MYRF: variants seen among roughly 807,000 people sequenced by gnomAD.
MYRF encodes the protein myelin regulatory factor.
A neutral mutation model predicts 126.3 loss-of-function variants in MYRF; 16 were observed. The ratio of observed to expected loss-of-function variants is 0.13; its 90% CI spans 0.09 to 0.19. The LOEUF is 0.19. Ranked by LOEUF, MYRF falls within the 10% of genes least tolerant of loss-of-function variation. The probability of loss-of-function intolerance (pLI) is 1.00; values close to 1 mark genes in which losing one functional copy is unlikely to be tolerated. For synonymous variants in MYRF, 608 were observed against 635.3 expected, an observed-to-expected ratio of 0.96 and a Z score of 0.65; for missense variants, 1,104 against 1,547.0, an observed-to-expected ratio of 0.71 and a Z score of 4.80.
chr11:61,779,610 G>A (rs1298797374), intron 16 of MYRF, 40 bp downstream of exon 16: 1 of 1,457,780 alleles, frequency 6.9e-7, no homozygotes, highest in East Asian at 2.4e-5. Context: ...TGGAAAGGGG[G>A]CCTCCCTTGT....
chr11:61,779,248 C>T lies in MYRF; in HGVS notation c.2014-15C>T, dbSNP rs2066475577. 3.3e-6 allele frequency: 5 copies of T among 1,537,824 alleles called. No individual in the cohort carries two copies. The African/African-American group carries it at 6.9e-5, about 21-fold the overall frequency. On this transcript the variant is annotated splice_polypyrimidine_tract_variant and intron_variant, in intron 14 of 26. Transcript: ENST00000278836. ...CTGTGTTGGCCCATGGCCCATGGCC[C>T]ATGGCCCATGGCAGGAGCGCATCTT...
In MYRF at chr11:61,776,310, T is replaced by C. The variant is rs1305748279; in HGVS notation, c.1389-12T>C. ...CTCCCTGCCCCCTGAGCACCCTGCCTCTCCTCTGCAGGGTCAATCTGCCCC... is the reference window on the plus strand; with the variant it reads ...CTCCCTGCCCCCTGAGCACCCTGCCCCTCCTCTGCAGGGTCAATCTGCCCC... On this transcript the variant is annotated splice_polypyrimidine_tract_variant and intron_variant, in intron 9 of 26. Coordinates refer to ENST00000278836, the MANE Select transcript of MYRF (RefSeq NM_001127392.3). This position sits in a 1 kb window ranked among gnomAD's most constrained non-coding sequence, Gnocchi z 4.3. The C allele has an allele frequency of 6.2e-7, 1 of 1,606,364 alleles. No individual in the cohort carries two copies. Among genetic ancestry groups the C allele is most frequent in the East Asian group, 2.2e-5 (1 of 44,568 alleles).
At chr11:61,784,180 C>A in intron 24 of MYRF, 100 bp from the exon 25 acceptor site, 1 of 1,172,794 alleles carries the variant, frequency 8.5e-7, no homozygotes, top group Non-Finnish European at 1.2e-6. Context: ...GTGTTTCAGG[C>A]TGGGTGGAGA....
Position 61,777,541 on chromosome 11 carries a change from G to C in MYRF, c.1791+77G>C. 1.3e-6 allele frequency: 2 copies of C among 1,491,718 alleles called. No individual in the cohort carries two copies. Among genetic ancestry groups the C allele is most frequent in the Admixed American group, 2.0e-5 (1 of 49,316 alleles). The allele number at this position is 1,491,718 out of a possible 1,614,324, so 92.4% of individuals were successfully genotyped here. On this transcript the variant is annotated intron_variant, in intron 12 of 26. Coordinates refer to ENST00000278836, the MANE Select transcript of MYRF (RefSeq NM_001127392.3). The surrounding 1 kb of genome is among the most constrained non-coding windows in gnomAD (Gnocchi z 8.8). ...CGGGGGCGGGGCTCCTGGGGAGGGG[G>C]CGTGACTACGCGGAAAGGCGGAGCT...
chr11:61,773,930 TG>T, intron 7 of MYRF, 36 bp from the exon 8 acceptor site: 2 of 1,557,310 alleles, frequency 1.3e-6, no homozygotes, highest in Non-Finnish European at 8.7e-7. Flanking sequence ...GGCCCGGCTC[TG>T]GGGCCTCAGG....
At position 61,757,645 on chromosome 11, in the gene MYRF, C is replaced by G; in HGVS notation, c.46+4855C>G. 1 of 432,572 alleles carries G rather than the reference C, an allele frequency of 2.3e-6. No individual in the cohort carries two copies. The allele number at this position is 432,572 out of a possible 1,614,324, so 26.8% of individuals were successfully genotyped here. On this transcript the variant is annotated intron_variant, in intron 1 of 26. Transcript: ENST00000278836. This position sits in a 1 kb window ranked among gnomAD's most constrained non-coding sequence, Gnocchi z 4.7. ...CTGGCACATCCAGTGGGGCCCGCCCCACCTCCCCCTCTGAGATTTGGGTTC... is the reference window on the plus strand; with the variant it reads ...CTGGCACATCCAGTGGGGCCCGCCCGACCTCCCCCTCTGAGATTTGGGTTC...
Position 61,757,398 on chromosome 11 carries a change from C to A in MYRF, c.46+4608C>A, listed in dbSNP as rs1310415345. On this transcript the variant is annotated intron_variant, in intron 1 of 26. Coordinates refer to ENST00000278836, the MANE Select transcript of MYRF (RefSeq NM_001127392.3). This position sits in a 1 kb window ranked among gnomAD's most constrained non-coding sequence, Gnocchi z 4.7. ...GGGAGTGCAGTTGTAATGGCAGGGC[C>A]TCCGTCCCAGGGTTTCTGGGGTGAT... 1 of 451,826 alleles carries A rather than the reference C, an allele frequency of 2.2e-6. No individual in the cohort carries two copies. Among genetic ancestry groups the A allele is most frequent in the Admixed American group, 2.4e-5 (1 of 42,426 alleles). The allele number at this position is 451,826 out of a possible 1,614,324, so 28.0% of individuals were successfully genotyped here.
chr11:61,782,527 C>T (rs1246182041), intron 22 of MYRF: 1 of 152,276 alleles, frequency 6.6e-6, no homozygotes, highest in Non-Finnish European at 1.5e-5. Flanking sequence ...TGGCTCTGTA[C>T]AGGGGACTGG....
At position 61,765,510 on chromosome 11, in the gene MYRF, G is replaced by A. The variant is rs374197309; in HGVS notation, c.47-115G>A. On this transcript the variant is annotated intron_variant, in intron 1 of 26. Transcript: ENST00000278836. ...CACATGGATACCTGGGTGGGAAGGA[G>A]CAGGGGCATCTGTTTTGGAGGGCCA... The A allele has an allele frequency of 5.3e-5, 40 of 757,448 alleles. No homozygotes were observed. In the African/African-American group the frequency reaches 6.9e-4, roughly 13 times the overall value. 46.9% of individuals were successfully genotyped at this position (757,448 alleles called of 1,614,324 possible).
At chr11:61,766,907 G>C in intron 3 of MYRF, 1 of 411,736 alleles carries the variant, frequency 2.4e-6, no homozygotes, top group Non-Finnish European at 5.0e-6. Flanking sequence ...CTGGGTGGAA[G>C]AGCATTAAAA....
intron 3 of MYRF, chr11:61,767,271 G>A: frequency 2.2e-6 from 1 of 456,752 alleles, no homozygotes; most frequent in South Asian, 1.5e-5. Flanking sequence ...GCAGAGGGAG[G>A]AGAACTAACA....
chr11:61,782,413 G>T (rs1210630819), intron 22 of MYRF: 1 of 152,282 alleles, frequency 6.6e-6, no homozygotes, highest in African/African-American at 2.4e-5. Flanking sequence ...AAGAAAGCCT[G>T]GAAAATGTGG....
intron 7 of MYRF, 41 bp downstream of exon 7, chr11:61,771,993 C>G (rs376650738): frequency 1.3e-4 from 209 of 1,609,236 alleles, no homozygotes; most frequent in East Asian, 1.0e-3. Flanking sequence ...CAGGCCCCCC[C>G]ACCTTGGGAC....
rs2066451437 is a variant in MYRF at position 61,778,598 on chromosome 11, C to G, written c.2013+109C>G. ...GGGCACTGCAAAGCAGAGGCAGGAG[C>G]ACCCTCGGCTCTCATGCTGCCTCCA... is the stretch of plus-strand genomic sequence containing the variant. On this transcript the variant is annotated intron_variant, in intron 14 of 26. Transcript: ENST00000278836. The surrounding 1 kb of genome is among the most constrained non-coding windows in gnomAD (Gnocchi z 4.6). The G allele has an allele frequency of 1.2e-6, 1 of 818,840 alleles. No homozygotes were observed. The highest frequency in any genetic ancestry group is 1.7e-5 in the African/African-American group (1 of 59,656). 50.7% of individuals were successfully genotyped at this position (818,840 alleles called of 1,614,324 possible).
chr11:61,773,448 G>A (rs948294517), intron 7 of MYRF, among the ~76,000 whole-genome samples: 1 of 152,242 alleles, frequency 6.6e-6, no homozygotes, highest in Non-Finnish European at 1.5e-5. Flanking sequence ...TGAGGAGGGA[G>A]TGGGAATGAG....
In MYRF at chr11:61,778,287, C is replaced by A. The variant is rs954975828; in HGVS notation, c.1904-93C>A. 6 of 862,776 alleles carry A rather than the reference C, an allele frequency of 7.0e-6. No homozygotes were observed. The highest frequency in any genetic ancestry group is 5.0e-5 in the African/African-American group (3 of 60,320). 53.4% of individuals were successfully genotyped at this position (862,776 alleles called of 1,614,324 possible). ...CAAATCTCTGGGTTCCAGAACTTCA[C>A]CCTCTCCAGTCTTGCTCCCACTGTA... On this transcript the variant is annotated intron_variant, in intron 13 of 26. Transcript: ENST00000278836. The surrounding 1 kb of genome is among the most constrained non-coding windows in gnomAD (Gnocchi z 4.6).
intron 1 of MYRF, among the ~76,000 whole-genome samples, chr11:61,758,113 C>T (rs1397418327): frequency 6.6e-6 from 1 of 151,948 alleles, no homozygotes; most frequent in Non-Finnish European, 1.5e-5. Context: ...GGCAAAGCCC[C>T]TGGGTGGGGA....
rs1565312476 is a variant in MYRF at position 61,788,300 on chromosome 11, C to A, written c.*2157C>A. ...AAATCCTCCTGCCCATACCGTGCAC[C>A]CTTAGAAGCCTGCGTGTGCATAGAG... On this transcript the variant is annotated 3_prime_UTR_variant, in exon 27 of 27. Coordinates refer to ENST00000278836, the MANE Select transcript of MYRF (RefSeq NM_001127392.3). 6.6e-6 allele frequency: 1 copy of A among 152,290 alleles called. No individual in the cohort carries two copies. The highest frequency in any genetic ancestry group is 1.5e-5 in the Non-Finnish European group (1 of 68,078). 9.4% of individuals were successfully genotyped at this position (152,290 alleles called of 1,614,324 possible). A position where few individuals can be genotyped will look rare whatever the true frequency, so the allele number is the denominator to read the frequency against.
Position 61,757,272 on chromosome 11 carries a change from G to A in MYRF, c.46+4482G>A, listed in dbSNP as rs906291354. The stretch of plus-strand genomic sequence containing the variant: ...GTAATGGTTCTGTGCATTCGCCAGC[G>A]AGGGCAGCTGGGGTCTGTTCCTAGC... On this transcript the variant is annotated intron_variant, in intron 1 of 26. Coordinates refer to ENST00000278836, the MANE Select transcript of MYRF (RefSeq NM_001127392.3). This position sits in a 1 kb window ranked among gnomAD's most constrained non-coding sequence, Gnocchi z 4.7. 4 of 456,662 alleles carry A rather than the reference G, an allele frequency of 8.8e-6. No homozygotes were observed. Among genetic ancestry groups the A allele is most frequent in the Admixed American group, 2.3e-5 (1 of 42,576 alleles). The allele number at this position is 456,662 out of a possible 1,614,324, so 28.3% of individuals were successfully genotyped here. A position where few individuals can be genotyped will look rare whatever the true frequency, so the allele number is the denominator to read the frequency against.
Sources: allele counts gnomAD v4.1 joint callset (sites outside exome capture counted in the v4.1 genomes callset), GRCh38; gene constraint gnomAD v4.1.1; non-coding constraint Gnocchi (gnomAD v3.1); transcripts MANE v1.5; gene names NCBI Gene and HGNC (gene_info 2026-07-23, HGNC 2026-07-21).